Variants in TRIM37 observed in about 807,000 individuals in gnomAD.
TRIM37 encodes E3 ubiquitin-protein ligase TRIM37.
In TRIM37, 80 loss-of-function variants were observed where a neutral mutation model predicts 129.8. The observed-to-expected ratio is 0.62, with a 90% CI of 0.51 to 0.74. The LOEUF (loss-of-function observed/expected upper bound fraction) is 0.74. Among genes scored for constraint, TRIM37 ranks in the 30% least tolerant of loss-of-function variants. The pLI is 0.00. For missense variants in TRIM37, 1,054 were observed against 1,176.5 expected, an observed-to-expected ratio of 0.90 and a Z score of 1.52; for synonymous variants, 389 against 387.1, an observed-to-expected ratio of 1.00 and a Z score of -0.06.
intron 1 of TRIM37, 152 bp downstream of exon 1, chr17:59,106,289 C>A: frequency 1.2e-6 from 1 of 865,542 alleles, no homozygotes; most frequent in South Asian, 1.5e-5. Context: ...AGAATGGGCA[C>A]GGCATCCTTG....
At position 59,028,739 on chromosome 17, in the gene TRIM37, C is replaced by A. The variant is rs1373342024; in HGVS notation, c.1949-16G>T. The A allele has an allele frequency of 3.5e-5, 56 of 1,613,436 alleles. No homozygotes were observed. Among genetic ancestry groups the A allele is most frequent in the Non-Finnish European group, 4.7e-5 (56 of 1,179,646 alleles). On this transcript the variant is annotated splice_polypyrimidine_tract_variant and intron_variant, in intron 18 of 23. Transcript: ENST00000262294. ...GAATATGATGCTTCAGAGAAATTGA[C>A]AAGTCATGTTAACATAAACGTTAAT...
At chr17:58,981,199 A>G (rs1025641986), downstream of TRIM37, 13 of 586,308 alleles carry the variant, frequency 2.2e-5, no homozygotes, top group Non-Finnish European at 3.5e-5. Context: ...AGTGTTTTCA[A>G]TCTAAAAAGA....
At chr17:58,973,008 G>C in the TRIM37 span, 6 of 861,456 alleles carry the variant, frequency 7.0e-6, no homozygotes, top group Non-Finnish European at 1.1e-5. Context: ...GGGAACCTGA[G>C]ATGATAATTT....
chr17:59,002,827 C>T (rs191559585), intron 22 of TRIM37, among the ~76,000 whole-genome samples: 1 of 152,012 alleles, frequency 6.6e-6, no homozygotes. Flanking sequence ...GAAAAATGAA[C>T]CCCCCACAGA....
chr17:59,007,877 C>G (rs1165100285), intron 22 of TRIM37, among the ~76,000 whole-genome samples: 3 of 152,208 alleles, frequency 2.0e-5, no homozygotes, highest in African/African-American at 7.2e-5. Context: ...ACAACCTTCT[C>G]TTTGAGAAAG....
At chr17:59,098,744 C>G (rs1047297155) in intron 2 of TRIM37, among the ~76,000 whole-genome samples, 2 of 149,038 alleles carry the variant, frequency 1.3e-5, no homozygotes, top group African/African-American at 2.5e-5. Context: ...AACAGAATAC[C>G]ATATGACCCA....
At chr17:59,097,014 C>G (rs1176272246) in intron 2 of TRIM37, among the ~76,000 whole-genome samples, 2 of 152,150 alleles carry the variant, frequency 1.3e-5, no homozygotes, top group Admixed American at 6.6e-5. Flanking sequence ...TCATGGAAAA[C>G]CCCCACTATG....
At chr17:59,042,838 G>GAAAT (rs1441428865) in intron 16 of TRIM37, among the ~76,000 whole-genome samples, 2 of 151,820 alleles carry the variant, frequency 1.3e-5, no homozygotes, top group Non-Finnish European at 2.9e-5. Context: ...CAAAAAAATA[G>GAAAT]AAATAAATGA....
intron 17 of TRIM37, among the ~76,000 whole-genome samples, chr17:59,040,231 T>C (rs1258417998): frequency 6.6e-6 from 1 of 151,578 alleles, no homozygotes; most frequent in Non-Finnish European, 1.5e-5. Flanking sequence ...TAGATATTAA[T>C]CAGAAAGAAA....
At position 59,010,953 on chromosome 17, in the gene TRIM37, G is replaced by A. The variant is rs143687337; in HGVS notation, c.2695+1375C>T. Among the ~76,000 whole-genome samples the A allele has an allele frequency of 1.5e-3, 229 of 152,062 alleles. 6 individuals are homozygous for A. In the East Asian group the frequency reaches 0.035, roughly 24 times the overall value. On this transcript the variant is annotated intron_variant, in intron 22 of 23. Transcript: ENST00000262294. ...TGGGAGGCTGAGGCGAGTGGTTCACGAGGTCAGGAGTTCAAGACCAGCCTG... is the reference window on the plus strand; with the variant it reads ...TGGGAGGCTGAGGCGAGTGGTTCACAAGGTCAGGAGTTCAAGACCAGCCTG...
chr17:58,984,365 T>TTACATTCATTTA (rs1174736361), intron 24 of TRIM37: 6 of 152,628 alleles, frequency 3.9e-5, no homozygotes, highest in Admixed American at 6.5e-5. Context: ...AAGTTCAGTG[T>TTACATTCATTTA]TTACAGATAA....
At chr17:58,972,826 G>A in the TRIM37 span, 3 of 1,610,446 alleles carry the variant, frequency 1.9e-6, no homozygotes, top group Non-Finnish European at 2.5e-6. Flanking sequence ...TTGCATTGCT[G>A]TTTAGGATGA....
At chr17:58,973,643 T>TAAAAAAACAAAAAACA in the TRIM37 span, among the ~76,000 whole-genome samples, 1 of 149,314 alleles carries the variant, frequency 6.7e-6, no homozygotes, top group Non-Finnish European at 1.5e-5. Flanking sequence ...CTTCATCTCT[T>TAAAAAAACAAAAAACA]AAAAAAACAA....
chr17:58,977,455 A>C, the TRIM37 span, among the ~76,000 whole-genome samples: 1 of 151,958 alleles, frequency 6.6e-6, no homozygotes, highest in Admixed American at 6.6e-5. Flanking sequence ...AAAAAAAAAA[A>C]AGAAATAATG....
chr17:59,048,906 T>A (rs2040076073), intron 15 of TRIM37, among the ~76,000 whole-genome samples: 1 of 152,200 alleles, frequency 6.6e-6, no homozygotes, highest in South Asian at 2.1e-4. Flanking sequence ...CAGAACACAT[T>A]TTTAAAATCC....
chr17:58,972,176 C>T, the TRIM37 span: 2 of 1,614,050 alleles, frequency 1.2e-6, no homozygotes, highest in South Asian at 1.1e-5. Flanking sequence ...TCATCAGAGG[C>T]AACATGCTAC....
intron 19 of TRIM37, among the ~76,000 whole-genome samples, chr17:59,017,908 G>A (rs2036151072): frequency 6.6e-6 from 1 of 152,126 alleles, no homozygotes; most frequent in Non-Finnish European, 1.5e-5. Context: ...TTACAGGCAT[G>A]GGCCACCGCA....
intron 19 of TRIM37, among the ~76,000 whole-genome samples, chr17:59,018,727 T>C (rs1333705644): frequency 6.6e-6 from 1 of 152,058 alleles, no homozygotes; most frequent in Non-Finnish European, 1.5e-5. Context: ...GCTGTGTTTT[T>C]TTTTTTTTGC....
chr17:59,056,417 C>A (rs187192659), intron 13 of TRIM37, among the ~76,000 whole-genome samples: 140 of 152,062 alleles, frequency 9.2e-4, no homozygotes, highest in African/African-American at 3.3e-3. Flanking sequence ...TTATTATCCA[C>A]TTAAATAAAA....
Sources: allele counts gnomAD v4.1 joint callset (sites outside exome capture counted in the v4.1 genomes callset), GRCh38; gene constraint gnomAD v4.1.1; transcripts MANE v1.5; gene names NCBI Gene and HGNC (gene_info 2026-07-23, HGNC 2026-07-21).